OR52N4: variants seen among roughly 807,000 people sequenced by gnomAD.
OR52N4 encodes the protein olfactory receptor 52N4.
A neutral mutation model predicts 15.0 loss-of-function variants in OR52N4; 15 were observed. The observed-to-expected ratio is 1.00, with a 90% CI of 0.67 to 1.54. The LOEUF is 1.54. OR52N4 is among the 40% of genes most tolerant of loss of function. OR52N4 has a pLI of 0.00. For missense variants in OR52N4, 421 were observed against 394.0 expected, an observed-to-expected ratio of 1.07 and a Z score of -0.58; for synonymous variants, 143 against 143.7, an observed-to-expected ratio of 1.00 and a Z score of 0.03.
In OR52N4 at chr11:5,755,549, T is replaced by C. The variant is rs73406197; in HGVS notation, c.809T>C (p.Ile270Thr). 12,888 of 1,613,810 alleles carry C rather than the reference T, an allele frequency of 8.0e-3. 795 individuals carry two copies. The African/African-American group carries it at 0.14, about 17-fold the overall frequency. The change falls in exon 2 of 2, where the codon ATA becomes ACA. Residue 270 changes from isoleucine (I) to threonine (T), a missense_variant. Coordinates refer to ENST00000641350, the MANE Select transcript of OR52N4 (RefSeq NM_001005175.5). Reference sequence around the variant, plus strand: ...TTTTCCCACCGCTTTGGGGAACACATAATCCCCCCTTCTTGCCACATCATT... The same window carrying C: ...TTTTCCCACCGCTTTGGGGAACACACAATCCCCCCTTCTTGCCACATCATT... ...SFFSHRFGEH[I>T]IPPSCHIIVA...
chr11:5,740,744 T>C, the OR52N4 span, among the ~76,000 whole-genome samples: 1 of 126,002 alleles, frequency 7.9e-6, no homozygotes. Flanking sequence ...GAGGTGGAGC[T>C]TGCAGTGAGC....
In OR52N4 at chr11:5,755,464, A is replaced by T; in HGVS notation, c.724A>T (p.Thr242Ser). Residue 242 changes from threonine to serine, a missense_variant, in exon 2 of 2, where the codon ACC (threonine) becomes TCC (serine). Coordinates refer to ENST00000641350, the MANE Select transcript of OR52N4 (RefSeq NM_001005175.5). The stretch of plus-strand genomic sequence containing the variant: ...AGATGCTCGGCAGAAGGCCTTTAAT[A>T]CCTGCACTGCCCACATTTGTGCCAT... Reference protein sequence around the residue: ...SADARQKAFNTCTAHICAIVF... With the variant: ...SADARQKAFNSCTAHICAIVF... 1.2e-6 allele frequency: 2 copies of T among 1,613,990 alleles called. No individual in the cohort carries two copies. The highest frequency in any genetic ancestry group is 1.7e-6 in the Non-Finnish European group (2 of 1,179,956).
chr11:5,743,577 G>A, the OR52N4 span, among the ~76,000 whole-genome samples: 2 of 151,988 alleles, frequency 1.3e-5, no homozygotes, highest in African/African-American at 4.8e-5. Flanking sequence ...AATACCAAAA[G>A]GAAGTCTCAA....
chr11:5,750,934 C>A (rs1407081375), upstream of OR52N4, among the ~76,000 whole-genome samples: 3 of 151,916 alleles, frequency 2.0e-5, no homozygotes, highest in Non-Finnish European at 4.4e-5. Context: ...GTAAGTGTAA[C>A]TTTGGGAGGT....
chr11:5,736,940 C>T, the OR52N4 span: 1 of 1,614,072 alleles, frequency 6.2e-7, no homozygotes, highest in South Asian at 1.1e-5. Context: ...TCTTCGCTAT[C>T]CATCAATTGT....
At chr11:5,735,895 T>TA in the OR52N4 span, 1 of 152,854 alleles carries the variant, frequency 6.5e-6, no homozygotes, top group East Asian at 1.9e-4. Context: ...CTGTATTCAC[T>TA]AAAAAATGAA....
the OR52N4 span, among the ~76,000 whole-genome samples, chr11:5,738,902 T>C: frequency 1.5e-5 from 1 of 64,842 alleles, no homozygotes; most frequent in Non-Finnish European, 3.6e-5. Context: ...AGCTAGGACA[T>C]TCCTTGAAAT....
the OR52N4 span, among the ~76,000 whole-genome samples, chr11:5,745,996 A>G: frequency 6.6e-6 from 1 of 152,304 alleles, no homozygotes; most frequent in Admixed American, 6.5e-5. Context: ...TCAGAAATGA[A>G]GCCACATACT....
Position 5,755,626 on chromosome 11 carries a change from G to A in OR52N4, c.886G>A (p.Gly296Arg). 1 of 1,613,656 alleles carries A rather than the reference G, an allele frequency of 6.2e-7. No individual in the cohort carries two copies. Among genetic ancestry groups the A allele is most frequent in the East Asian group, 2.2e-5 (1 of 44,856 alleles). The change falls in exon 2 of 2, where the codon GGG (glycine) becomes AGG (arginine). Residue 296 changes from glycine to arginine, a missense_variant. Physicochemically the swap from Gly to Arg is moderately radical, Grantham distance 125. Coordinates refer to ENST00000641350, the MANE Select transcript of OR52N4 (RefSeq NM_001005175.5). ...LPPTMNPIVY[G>R]VKTKQIRDCV... ...ACCCACTATGAACCCTATTGTCTAT[G>A]GGGTGAAAACCAAACAGATACGAGA...
Position 5,754,956 on chromosome 11 carries a change from C to A in OR52N4, c.216C>A (p.Asp72Glu). The A allele has an allele frequency of 6.2e-7, 1 of 1,613,792 alleles. No homozygotes were observed. ...TCTTGGCCATGCTTTCCTTTACTGA[C>A]CTTGTTATGTGCTCTAGTACAATCC... ...YYFLAMLSFT[D>E]LVMCSSTIPK... is the part of the protein sequence containing the mutation. Residue 72 changes from aspartate (D) to glutamate (E), a missense_variant, in exon 2 of 2, where the codon GAC (aspartate) becomes GAA (glutamate). Physicochemically the swap from Asp to Glu is conservative, Grantham distance 45. Coordinates refer to ENST00000641350, the MANE Select transcript of OR52N4 (RefSeq NM_001005175.5).
chr11:5,738,360 T>C, the OR52N4 span: 4 of 152,250 alleles, frequency 2.6e-5, no homozygotes, highest in African/African-American at 7.2e-5. Context: ...TATGGAAATA[T>C]AGTAACAGGC....
chr11:5,726,919 T>G, the OR52N4 span: 1 of 156,534 alleles, frequency 6.4e-6, no homozygotes, highest in African/African-American at 2.4e-5. Context: ...CAATCCTCAC[T>G]GACACCATCA....
At chr11:5,737,150 G>A in the OR52N4 span, 1 of 1,613,946 alleles carries the variant, frequency 6.2e-7, no homozygotes, top group Non-Finnish European at 8.5e-7. Flanking sequence ...GTTGGTTCTG[G>A]CATGGCTTGG....
At chr11:5,729,349 T>C in the OR52N4 span, among the ~76,000 whole-genome samples, 1 of 152,004 alleles carries the variant, frequency 6.6e-6, no homozygotes, top group Non-Finnish European at 1.5e-5. Flanking sequence ...CTCGATCTCC[T>C]GACCTTGTGA....
chr11:5,735,639 C>G, the OR52N4 span, among the ~76,000 whole-genome samples: 1 of 152,142 alleles, frequency 6.6e-6, no homozygotes, highest in South Asian at 2.1e-4. Flanking sequence ...GGTTAGTTTT[C>G]TAGATTCAAG....
chr11:5,747,077 CAAAAAAAA>C, the OR52N4 span, among the ~76,000 whole-genome samples: 9 of 57,262 alleles, frequency 1.6e-4, 1 homozygote, highest in Non-Finnish European at 1.5e-4. Context: ...GTAAAAATAC[CAAAAAAAA>C]AAAAAAAAAA....
rs371785567 is a variant in OR52N4 at position 5,754,806 on chromosome 11, G to A, written c.66G>A (p.Leu22=). ...ASFILNGVPG[L]EDTQLWISFP... ...TTATTCTGAATGGAGTCCCAGGACT[G>A]GAAGACACACAACTCTGGATTTCCT... Residue 22 remains leucine, a synonymous_variant, in exon 2 of 2, where the codon CTG becomes CTA. Coordinates refer to ENST00000641350, the MANE Select transcript of OR52N4 (RefSeq NM_001005175.5). 1.2e-6 allele frequency: 2 copies of A among 1,613,520 alleles called. No homozygotes were observed. Among genetic ancestry groups the A allele is most frequent in the Non-Finnish European group, 1.7e-6 (2 of 1,179,718 alleles).
chr11:5,744,684 G>A, the OR52N4 span, among the ~76,000 whole-genome samples: 4 of 115,898 alleles, frequency 3.5e-5, no homozygotes, highest in East Asian at 1.0e-3. Context: ...AGGCTGAGGC[G>A]GGTGAATTAC....
upstream of OR52N4, among the ~76,000 whole-genome samples, chr11:5,752,032 T>C (rs1181709462): frequency 6.6e-6 from 1 of 151,882 alleles, no homozygotes; most frequent in Non-Finnish European, 1.5e-5. Context: ...GAGATAGAGG[T>C]TTGCCTATCA....
Sources: gnomAD v4.1 joint callset for allele counts (sites outside exome capture counted in the v4.1 genomes callset) on GRCh38, gnomAD v4.1.1 for gene constraint, MANE v1.5 for transcripts, NCBI Gene and HGNC (gene_info 2026-07-23, HGNC 2026-07-21) for gene names.